The following STK17A variants were observed in gnomAD, a reference collection of about 807,000 sequenced individuals.
STK17A encodes serine/threonine kinase 17a.
In STK17A, 26 loss-of-function variants were observed where a neutral mutation model predicts 43.7. That is an observed-to-expected ratio of 0.60 (90% CI 0.44 to 0.83). The LOEUF (loss-of-function observed/expected upper bound fraction) is 0.83, where lower values mean the gene tolerates loss of function less well. STK17A is among the 40% of genes least tolerant of loss of function. The probability of loss-of-function intolerance (pLI) is 0.00; values close to 1 mark genes in which losing one functional copy is unlikely to be tolerated. For synonymous variants in STK17A, 191 were observed against 182.5 expected (o/e 1.05, Z -0.38); for missense variants, 476 against 511.6 (o/e 0.93, Z 0.67).
intron 3 of STK17A, chr7:43,608,927 TAAAG>T (rs1170579974): frequency 6.6e-6 from 1 of 152,208 alleles, no homozygotes; most frequent in Non-Finnish European, 1.5e-5. Flanking sequence ...ATGAGAAAAT[TAAAG>T]AGATTAGAGG....
At chr7:43,597,194 G>A (rs11982135) in intron 2 of STK17A, among the ~76,000 whole-genome samples, 2,921 of 152,030 alleles carry the variant, frequency 0.019, 95 homozygotes, top group African/African-American at 0.067. Flanking sequence ...GGTTTGGACC[G>A]TAATCCCAAA....
intron 3 of STK17A, chr7:43,609,449 C>T (rs1204337255): frequency 2.6e-5 from 4 of 152,238 alleles, no homozygotes; most frequent in Non-Finnish European, 4.4e-5. Context: ...CTAACCTTTA[C>T]GTGGACTGAG....
Position 43,612,417 on chromosome 7 carries a change from G to A in STK17A, c.564+4017G>A, listed in dbSNP as rs139900226. Among the ~76,000 whole-genome samples, 440 of 152,278 alleles carry A rather than the reference G, an allele frequency of 2.9e-3. 2 individuals carry two copies. In the Middle Eastern group the frequency reaches 0.034, roughly 12 times the overall value. ...AGTGAGTCTGCTGTCCTCTGTCTTC[G>A]ACAGTGTGTGCTCATAATGTTGACT... On this transcript the variant is annotated intron_variant, in intron 3 of 6. Transcript: ENST00000319357.
At chr7:43,598,469 C>CAAAAA (rs61683967) in intron 2 of STK17A, among the ~76,000 whole-genome samples, 1 of 80,438 alleles carries the variant, frequency 1.2e-5, no homozygotes, top group Admixed American at 1.3e-4. Flanking sequence ...GACTCCGTCT[C>CAAAAA]AAAAAAAAAA....
chr7:43,622,695 TTTTG>T (rs1257003188), intron 4 of STK17A: 26 of 57,840 alleles, frequency 4.5e-4, no homozygotes, highest in African/African-American at 2.0e-3. Context: ...TATCAAAGTT[TTTTG>T]TTTTTGTTTT....
chr7:43,596,186 GATA>G, intron 2 of STK17A, 73 bp downstream of exon 2: 1 of 1,381,986 alleles, frequency 7.2e-7, no homozygotes, highest in Non-Finnish European at 9.9e-7. Context: ...ACTCATCTGT[GATA>G]ATGTTGCCAG....
At position 43,624,533 on chromosome 7, in the gene STK17A, T is replaced by C. The variant is rs749313812; in HGVS notation, c.936T>C (p.Ala312=). ...LVKKPEDRAT[A]EECLKHPWLT... ...ATCTTTACAGAGATCGAGCCACTGC[T>C]GAAGAATGTCTAAAGCACCCCTGGT... is the stretch of plus-strand genomic sequence containing the variant. The change falls in exon 7 of 7, where the codon GCT becomes GCC. Residue 312 remains alanine (A), a synonymous_variant. Coordinates refer to ENST00000319357, the MANE Select transcript of STK17A (RefSeq NM_004760.3). The C allele has an allele frequency of 1.9e-6, 3 of 1,612,628 alleles. No individual in the cohort carries two copies. Among genetic ancestry groups the C allele is most frequent in the Non-Finnish European group, 2.5e-6 (3 of 1,179,232 alleles).
chr7:43,593,765 T>C (rs1049253690), intron 1 of STK17A, among the ~76,000 whole-genome samples: 7 of 151,992 alleles, frequency 4.6e-5, no homozygotes, highest in African/African-American at 1.7e-4. Flanking sequence ...CTGGATATCA[T>C]CCCTTTGTTG....
At chr7:43,598,144 G>C (rs1259930341) in intron 2 of STK17A, among the ~76,000 whole-genome samples, 2 of 152,034 alleles carry the variant, frequency 1.3e-5, no homozygotes, top group Non-Finnish European at 2.9e-5. Flanking sequence ...TCACACAAAT[G>C]TAACGGTTAT....
chr7:43,596,190 A>G lies in STK17A; in HGVS notation c.419+77A>G, dbSNP rs149037617. ...TACGGAATGCCACTCATCTGTGATA[A>G]TGTTGCCAGGCCTGGTTCTCTGGAA... On this transcript the variant is annotated intron_variant, in intron 2 of 6. Transcript: ENST00000319357. 3.7e-6 allele frequency: 5 copies of G among 1,348,886 alleles called. No homozygotes were observed. In the East Asian group the frequency reaches 7.1e-5, roughly 19 times the overall value. The allele number at this position is 1,348,886 out of a possible 1,614,324, so 83.6% of individuals were successfully genotyped here. A position where few individuals can be genotyped will look rare whatever the true frequency, so the allele number is the denominator to read the frequency against.
At chr7:43,597,078 G>GA (rs1461726770) in intron 2 of STK17A, among the ~76,000 whole-genome samples, 1 of 152,002 alleles carries the variant, frequency 6.6e-6, no homozygotes, top group Non-Finnish European at 1.5e-5. Flanking sequence ...GACAAACTCG[G>GA]AAAAATACCT....
chr7:43,608,269 G>A lies in STK17A; in HGVS notation c.433G>A (p.Glu145Lys). The A allele has an allele frequency of 3.1e-6, 5 of 1,612,540 alleles. No individual in the cohort carries two copies. Among genetic ancestry groups the A allele is most frequent in the Non-Finnish European group, 4.2e-6 (5 of 1,179,582 alleles). ...ILVLEYAAGG[E>K]IFDQCVADRE... The stretch of plus-strand genomic sequence containing the variant: ...GCCCTTCTCTAGTGCTGCTGGGGGT[G>A]AAATCTTTGACCAGTGTGTTGCAGA... The change falls in exon 3 of 7, where the codon GAA becomes AAA. Residue 145 changes from glutamate (E) to lysine (K), a missense_variant. Glu to Lys is a moderately conservative substitution (Grantham distance 56). Coordinates refer to ENST00000319357, the MANE Select transcript of STK17A (RefSeq NM_004760.3).
In STK17A at chr7:43,619,663, T is replaced by C. The variant is rs1462257064; in HGVS notation, c.631T>C (p.Ser211Pro). Residue 211 changes from serine to proline, a missense_variant, in exon 4 of 7, where the codon TCA becomes CCA. Around this residue, in one of 3 missense-constraint regions of STK17A, gnomAD observed 320 missense variants for 326.3 expected, o/e 0.98. Coordinates refer to ENST00000319357, the MANE Select transcript of STK17A (RefSeq NM_004760.3). ...CATTAAGATTGTTGATTTTGGCCTT[T>C]CAAGAATATTGAAGAACAGTGAAGA... ...GDIKIVDFGL[S>P]RILKNSEELR... 6.2e-7 allele frequency: 1 copy of C among 1,614,180 alleles called. No individual in the cohort carries two copies. Among genetic ancestry groups the C allele is most frequent in the South Asian group, 1.1e-5 (1 of 91,084 alleles).
intron 1 of STK17A, among the ~76,000 whole-genome samples, chr7:43,585,205 A>G (rs765177655): frequency 6.6e-6 from 1 of 152,216 alleles, no homozygotes; most frequent in South Asian, 2.1e-4. Flanking sequence ...TCCAAAAAAA[A>G]AAAGGAAAAC....
At chr7:43,605,621 C>G (rs1218888840) in intron 2 of STK17A, among the ~76,000 whole-genome samples, 1 of 151,902 alleles carries the variant, frequency 6.6e-6, no homozygotes, top group Non-Finnish European at 1.5e-5. Flanking sequence ...TGCCAAACTC[C>G]CAGTCTGTCT....
chr7:43,588,395 TA>T (rs2082456991), intron 1 of STK17A, among the ~76,000 whole-genome samples: 2 of 151,606 alleles, frequency 1.3e-5, no homozygotes, highest in African/African-American at 4.8e-5. Flanking sequence ...AGCCAGAATT[TA>T]AAACCAAGTT....
chr7:43,585,451 T>C (rs1001964610), intron 1 of STK17A, among the ~76,000 whole-genome samples: 4 of 151,594 alleles, frequency 2.6e-5, no homozygotes, highest in Non-Finnish European at 5.9e-5. Flanking sequence ...TTTAAGATTG[T>C]GATATCTTCT....
chr7:43,607,647 CA>C (rs760624386), intron 2 of STK17A, among the ~76,000 whole-genome samples: 1,797 of 54,272 alleles, frequency 0.033, 12 homozygotes, highest in African/African-American at 0.1. Flanking sequence ...GACTCCGTCT[CA>C]AAAAAAAAAA....
At position 43,608,287 on chromosome 7, in the gene STK17A, G is replaced by C; in HGVS notation, c.451G>C (p.Val151Leu). ...TGGGGGTGAAATCTTTGACCAGTGT[G>C]TTGCAGACAGAGAAGAAGCCTTTAA... ...AAGGEIFDQC[V>L]ADREEAFKEK... Residue 151 changes from valine (V) to leucine (L), a missense_variant, in exon 3 of 7, where the codon GTT (valine) becomes CTT (leucine). By Grantham distance (32) the Val-to-Leu change is conservative. Transcript: ENST00000319357. The C allele has an allele frequency of 6.2e-7, 1 of 1,614,018 alleles. No homozygotes were observed. Among genetic ancestry groups the C allele is most frequent in the Middle Eastern group, 1.6e-4 (1 of 6,062 alleles).
Sources: allele counts gnomAD v4.1 joint callset (sites outside exome capture counted in the v4.1 genomes callset), GRCh38; gene constraint gnomAD v4.1.1; regional missense constraint gnomAD v4.1.1; transcripts MANE v1.5; gene names NCBI Gene and HGNC (gene_info 2026-07-23, HGNC 2026-07-21).